Variants in PRLR observed in about 807,000 individuals in gnomAD.
PRLR encodes hPRL receptor.
In PRLR, 13 loss-of-function variants were observed where a neutral mutation model predicts 40.2. The ratio of observed to expected loss-of-function variants is 0.32; its 90% CI spans 0.21 to 0.51. The LOEUF (loss-of-function observed/expected upper bound fraction) is 0.51. Ranked by LOEUF, PRLR falls within the 20% of genes least tolerant of loss-of-function variation. PRLR has a pLI of 0.97. For missense variants in PRLR, 656 were observed against 747.3 expected, an observed-to-expected ratio of 0.88 and a Z score of 1.42; for synonymous variants, 269 against 278.7, an observed-to-expected ratio of 0.97 and a Z score of 0.35.
chr5:35,071,225 AC>A (rs1416545746), intron 6 of PRLR, among the ~76,000 whole-genome samples: 1 of 152,182 alleles, frequency 6.6e-6, no homozygotes, highest in Non-Finnish European at 1.5e-5. Context: ...TAGCTAAATA[AC>A]CCCACAAAGA....
chr5:35,073,710 C>T (rs746596081), intron 5 of PRLR, among the ~76,000 whole-genome samples: 2 of 152,084 alleles, frequency 1.3e-5, no homozygotes, highest in Non-Finnish European at 2.9e-5. Flanking sequence ...GGAGAGCAGG[C>T]CTGGGATTAG....
chr5:35,227,414 G>A lies in PRLR; in HGVS notation c.-106+2854C>T, dbSNP rs542977979. ...CGGATGTGGGGTGTGGGGTTGGGGG[G>A]TGTATGTACATTTCCATGTTTCAGT... On this transcript the variant is annotated intron_variant, in intron 1 of 9. Coordinates refer to ENST00000618457, the MANE Select transcript of PRLR (RefSeq NM_000949.7). Among the ~76,000 whole-genome samples, 273 of 152,274 alleles carry A rather than the reference G, an allele frequency of 1.8e-3. 1 individual carries two copies. Among genetic ancestry groups the A allele is most frequent in the Non-Finnish European group, 3.1e-3 (212 of 68,030 alleles).
At chr5:35,196,209 C>A (rs1775732362) in intron 1 of PRLR, among the ~76,000 whole-genome samples, 1 of 152,174 alleles carries the variant, frequency 6.6e-6, no homozygotes, top group East Asian at 1.9e-4. Flanking sequence ...AAAGGCCAAG[C>A]TGGCAAGTTT....
chr5:35,084,013 A>G (rs1238229665), intron 5 of PRLR, among the ~76,000 whole-genome samples: 2 of 152,138 alleles, frequency 1.3e-5, no homozygotes, highest in Non-Finnish European at 2.9e-5. Flanking sequence ...ACACACACAC[A>G]TATATGAGTT....
At chr5:35,103,547 C>A (rs1415460199) in intron 2 of PRLR, among the ~76,000 whole-genome samples, 1 of 152,194 alleles carries the variant, frequency 6.6e-6, no homozygotes, top group African/African-American at 2.4e-5. Context: ...GTCTTCCAAA[C>A]ATTCCTCTCT....
chr5:35,055,679 A>C (rs183228920), downstream of PRLR: 3 of 152,342 alleles, frequency 2.0e-5, no homozygotes, highest in Admixed American at 2.0e-4. Flanking sequence ...TCACATACAT[A>C]TATAAAGACC....
chr5:35,169,312 G>A (rs1385372729), intron 1 of PRLR, among the ~76,000 whole-genome samples: 2 of 152,054 alleles, frequency 1.3e-5, no homozygotes, highest in Admixed American at 1.3e-4. Context: ...CTTTCTTATT[G>A]GTTTATCAGT....
At position 35,156,598 on chromosome 5, in the gene PRLR, C is replaced by T. The variant is rs535064449; in HGVS notation, c.-105-38476G>A. 3.9e-5 allele frequency among the ~76,000 whole-genome samples: 6 copies of T among 152,284 alleles called. No homozygotes were observed. The South Asian group carries it at 1.2e-3, about 32-fold the overall frequency. ...TTTGGCCAGTATGGTCTCCTTGATG[C>T]TCCTGAATGTACCGGGCAGGTTCCT... On this transcript the variant is annotated intron_variant, in intron 1 of 9. Transcript: ENST00000618457.
intron 1 of PRLR, among the ~76,000 whole-genome samples, chr5:35,140,893 GTATAT>G (rs1774002882): frequency 6.6e-6 from 1 of 151,984 alleles, no homozygotes; most frequent in African/African-American, 2.4e-5. Flanking sequence ...ATTTTGCTTA[GTATAT>G]TAATGTACCC....
chr5:35,223,994 G>T (rs1463626906), intron 1 of PRLR, among the ~76,000 whole-genome samples: 1 of 152,138 alleles, frequency 6.6e-6, no homozygotes, highest in African/African-American at 2.4e-5. Flanking sequence ...CTTGCTTAAA[G>T]AACTCCAGAT....
At chr5:35,187,829 G>A (rs1775488312) in intron 1 of PRLR, among the ~76,000 whole-genome samples, 1 of 152,168 alleles carries the variant, frequency 6.6e-6, no homozygotes, top group Admixed American at 6.5e-5. Flanking sequence ...CCAGTGAAAT[G>A]AGATGCAGGA....
intron 1 of PRLR, among the ~76,000 whole-genome samples, chr5:35,226,038 A>C (rs1318784017): frequency 6.6e-6 from 1 of 152,238 alleles, no homozygotes; most frequent in Non-Finnish European, 1.5e-5. Context: ...GGTGCGTTGT[A>C]CATTTACAGT....
intron 7 of PRLR, among the ~76,000 whole-genome samples, chr5:35,069,843 G>A (rs1038592512): frequency 6.6e-6 from 1 of 152,168 alleles, no homozygotes; most frequent in African/African-American, 2.4e-5. Flanking sequence ...CTAAATGATG[G>A]GAATAGGGAA....
intron 1 of PRLR, among the ~76,000 whole-genome samples, chr5:35,143,244 C>T (rs186063902): frequency 5.9e-5 from 9 of 152,122 alleles, no homozygotes; most frequent in East Asian, 3.9e-4. Flanking sequence ...AGTATGAAGA[C>T]GACTATAGGA....
rs1377591302 is a variant in PRLR at position 35,124,271 on chromosome 5, AG to A, written c.-105-6150del. Among the ~76,000 whole-genome samples, 3 of 152,192 alleles carry A rather than the reference AG, an allele frequency of 2.0e-5. No homozygotes were observed. The South Asian group carries it at 6.2e-4, about 32-fold the overall frequency. ...GCTAAAACAAATGGGTCATATTACA[AG>A]GCAAAGTAGCTTTTTAATTTTAAGG... On this transcript the variant is annotated intron_variant, in intron 1 of 9. Coordinates refer to ENST00000618457, the MANE Select transcript of PRLR (RefSeq NM_000949.7).
intron 1 of PRLR, among the ~76,000 whole-genome samples, chr5:35,183,623 G>A (rs758416863): frequency 1.3e-5 from 2 of 152,166 alleles, no homozygotes; most frequent in South Asian, 4.1e-4. Flanking sequence ...TTCAGGACAC[G>A]GAAAAGGGAG....
At position 35,102,481 on chromosome 5, in the gene PRLR, G is replaced by T. The variant is rs145911236; in HGVS notation, c.-43-12818C>A. Among the ~76,000 whole-genome samples the T allele has an allele frequency of 4.6e-5, 6 of 129,884 alleles. No homozygotes were observed. The South Asian group carries it at 1.5e-3, about 32-fold the overall frequency. 85.2% of individuals were successfully genotyped at this position (129,884 alleles called of 152,430 possible). A position where few individuals can be genotyped will look rare whatever the true frequency, so the allele number is the denominator to read the frequency against. On this transcript the variant is annotated intron_variant, in intron 2 of 9. Transcript: ENST00000618457. ...TTCCTGTCCCATCCCGTCCCGTCCCGTCCCGTCTCCTCTCCACTCCTCTCC... is the reference window on the plus strand; with the variant it reads ...TTCCTGTCCCATCCCGTCCCGTCCCTTCCCGTCTCCTCTCCACTCCTCTCC...
intron 6 of PRLR, among the ~76,000 whole-genome samples, chr5:35,070,799 T>C (rs1051591468): frequency 8.2e-5 from 11 of 134,908 alleles, no homozygotes; most frequent in African/African-American, 2.9e-4. Flanking sequence ...GCCGAGATCG[T>C]GCCATTGCAC....
rs552775621 is a variant in PRLR at position 35,105,246 on chromosome 5, A to T, written c.-44+12815T>A. 3.5e-3 allele frequency among the ~76,000 whole-genome samples: 529 copies of T among 152,376 alleles called. 3 individuals carry two copies. Among genetic ancestry groups the T allele is most frequent in the African/African-American group, 0.011 (455 of 41,598 alleles). On this transcript the variant is annotated intron_variant, in intron 2 of 9. Coordinates refer to ENST00000618457, the MANE Select transcript of PRLR (RefSeq NM_000949.7). ...ATCACCATCATCAAAGACCAAAGGT[A>T]GATAAAACCACAAAGATGGGGAGAA...
Sources: allele counts gnomAD v4.1 joint callset (sites outside exome capture counted in the v4.1 genomes callset), GRCh38; gene constraint gnomAD v4.1.1; transcripts MANE v1.5; gene names NCBI Gene and HGNC (gene_info 2026-07-23, HGNC 2026-07-21).